PLCH2: variants seen among roughly 807,000 people sequenced by gnomAD.
PLCH2 encodes the protein phospholipase C eta 2.
In PLCH2, 98 loss-of-function variants were observed where a neutral mutation model predicts 134.7. The ratio of observed to expected loss-of-function variants is 0.73; its 90% confidence interval spans 0.62 to 0.86. PLCH2 has a LOEUF of 0.86. Among genes scored for constraint, PLCH2 ranks in the 40% least tolerant of loss-of-function variants. The pLI is 0.00. For missense variants in PLCH2, 1,994 were observed against 1,986.6 expected (o/e 1.00, Z -0.07); for synonymous variants, 974 against 827.5 (o/e 1.18, Z -3.04).
upstream of PLCH2, among the ~76,000 whole-genome samples, chr1:2,471,628 C>T (rs1641327663): frequency 6.6e-6 from 1 of 152,206 alleles, no homozygotes; most frequent in Admixed American, 6.5e-5. Flanking sequence ...ACCAGGGGAG[C>T]ATGAGCCTGG....
At chr1:2,438,933 G>A (rs916168033) in intron 2 of PLCH2, among the ~76,000 whole-genome samples, 27 of 152,230 alleles carry the variant, frequency 1.8e-4, no homozygotes, top group Non-Finnish European at 8.8e-5. Context: ...CTTCGCCGGC[G>A]TGGGCTGCCC....
intron 5 of PLCH2, 85 bp downstream of exon 5, chr1:2,484,703 T>TG: frequency 6.9e-7 from 1 of 1,447,148 alleles, no homozygotes; most frequent in Non-Finnish European, 9.4e-7. Context: ...CAGGGGACAG[T>TG]GGTGATGGGG....
In PLCH2 at chr1:2,499,082, A is replaced by T. The variant is rs762360713; in HGVS notation, c.2435-2A>T. 2.5e-6 allele frequency: 4 copies of T among 1,608,402 alleles called. No individual in the cohort carries two copies. The highest frequency in any genetic ancestry group is 1.7e-6 in the Non-Finnish European group (2 of 1,178,030). ...ACACTCCTCCTGGCGCTGCTTCCCC[A>T]GGGTTCAACCCCACCTGGGAGGAGA... On this transcript the variant is annotated splice_acceptor_variant, in intron 18 of 21. Transcript: ENST00000378486. LOFTEE classifies it high-confidence loss of function.
intron 2 of PLCH2, among the ~76,000 whole-genome samples, chr1:2,446,894 C>T (rs758579869): frequency 6.6e-6 from 1 of 152,222 alleles, no homozygotes; most frequent in Non-Finnish European, 1.5e-5. Context: ...CCTGCAGCCC[C>T]GTGTGTGTGT....
At chr1:2,432,071 C>T (rs1189153519) in intron 2 of PLCH2, among the ~76,000 whole-genome samples, 2 of 152,292 alleles carry the variant, frequency 1.3e-5, no homozygotes, top group East Asian at 3.9e-4. Context: ...TTGTATGGAG[C>T]CTCGTGCATT....
chr1:2,445,915 G>A (rs914489923), intron 2 of PLCH2, among the ~76,000 whole-genome samples: 1 of 152,230 alleles, frequency 6.6e-6, no homozygotes. Context: ...TAATAGGACC[G>A]CTTCATTAGC....
intron 2 of PLCH2, among the ~76,000 whole-genome samples, chr1:2,459,151 C>T (rs1218464697): frequency 2.0e-5 from 3 of 152,268 alleles, no homozygotes; most frequent in Non-Finnish European, 1.5e-5. Context: ...TTTTGCCATC[C>T]GCCAGGAGCT....
intron 5 of PLCH2, among the ~76,000 whole-genome samples, chr1:2,485,818 C>T (rs1260618870): frequency 1.3e-5 from 2 of 152,112 alleles, no homozygotes; most frequent in African/African-American, 4.8e-5. Context: ...GGGTTTTACC[C>T]AGGATCTCCC....
intron 15 of PLCH2, 103 bp downstream of exon 15, chr1:2,497,113 G>C (rs1558027590): frequency 8.5e-7 from 1 of 1,175,580 alleles, no homozygotes; most frequent in Non-Finnish European, 1.2e-6. Flanking sequence ...CCTCGGTTCT[G>C]TCCTGGGCTC....
chr1:2,422,265 C>T (rs9424314), upstream of PLCH2, among the ~76,000 whole-genome samples: 36,899 of 140,766 alleles, frequency 0.26, 5,004 homozygotes, highest in Middle Eastern at 0.36. Context: ...CAAGACTCCA[C>T]CTCAAAAAAC....
At chr1:2,420,570 G>T in the PLCH2 span, among the ~76,000 whole-genome samples, 1,109 of 152,318 alleles carry the variant, frequency 7.3e-3, 8 homozygotes, top group African/African-American at 0.025. Context: ...GCCAGGTCCA[G>T]CTTCTCAGGA....
chr1:2,463,214 G>A (rs1640906300), upstream of PLCH2, among the ~76,000 whole-genome samples: 1 of 152,172 alleles, frequency 6.6e-6, no homozygotes, highest in Non-Finnish European at 1.5e-5. Context: ...AGCCCCGGAG[G>A]GGGAGCTGCA....
chr1:2,498,574 A>G lies in PLCH2; in HGVS notation c.2276A>G (p.Gln759Arg). Residue 759 changes from glutamine (Q) to arginine (R), a missense_variant, in exon 17 of 22, where the codon CAG becomes CGG. Transcript: ENST00000378486. This position sits in a 1 kb window ranked among gnomAD's most constrained non-coding sequence, Gnocchi z 5.4. ...EDPLPGQLKK[Q>R]LVLRIISGQQ... ...CCCCTGCCCGGGCAGCTCAAGAAGC[A>G]GCTGGTGCTCCGGATCATCAGTGGC... 6.2e-7 allele frequency: 1 copy of G among 1,604,756 alleles called. No individual in the cohort carries two copies. Among genetic ancestry groups the G allele is most frequent in the Non-Finnish European group, 8.5e-7 (1 of 1,177,602 alleles).
At chr1:2,497,303 G>A (rs1388411527) in intron 15 of PLCH2, among the ~76,000 whole-genome samples, 199 bp from the exon 16 acceptor site, 1 of 152,240 alleles carries the variant, frequency 6.6e-6, no homozygotes, top group African/African-American at 2.4e-5. Flanking sequence ...GCCAGCTCCG[G>A]GGATGTCCCT....
At position 2,496,901 on chromosome 1, in the gene PLCH2, G is replaced by A; in HGVS notation, c.2007G>A (p.Gln669=). 6.2e-7 allele frequency: 1 copy of A among 1,613,100 alleles called. No individual in the cohort carries two copies. The highest frequency in any genetic ancestry group is 8.5e-7 in the Non-Finnish European group (1 of 1,179,846). The change falls in exon 15 of 22, where the codon CAG becomes CAA. Residue 669 remains glutamine, a synonymous_variant. Transcript: ENST00000378486. The part of the protein sequence containing the change: ...AHQILQQKPA[Q]YLRFNQQQLS... ...AGATTCTGCAGCAGAAGCCGGCGCA[G>A]TACCTACGCTTCAACCAGCAGCAGC...
chr1:2,504,820 A>G lies in PLCH2; in HGVS notation c.3858A>G (p.Thr1286=). Residue 1286 remains threonine, a synonymous_variant, in exon 22 of 22, where the codon ACA becomes ACG. Coordinates refer to ENST00000378486, the MANE Select transcript of PLCH2 (RefSeq NM_014638.4). ...ACAGCCTGGGCCTCCCGGGAGGGAC[A>G]CGGCGGGTGTCGGGGCCAGGGGTGA... ...LSHSLGLPGG[T]RRVSGPGVRR... 6.2e-7 allele frequency: 1 copy of G among 1,610,234 alleles called. No individual in the cohort carries two copies. The highest frequency in any genetic ancestry group is 1.1e-5 in the South Asian group (1 of 90,914).
In PLCH2 at chr1:2,432,825, C is replaced by T. The variant is rs1432126451; in HGVS notation, c.115+2196C>T. 2.0e-5 allele frequency among the ~76,000 whole-genome samples: 3 copies of T among 152,324 alleles called. No individual in the cohort carries two copies. In the East Asian group the frequency reaches 5.8e-4, roughly 29 times the overall value. On this transcript the variant is annotated intron_variant, in intron 2 of 3. Coordinates refer to the PLCH2 transcript ENST00000609981. ...AGGGAGGGTCCCCAACTCCCCCGTC[C>T]GGAGGGGCTGTCACAGGAGCTGCCC...
chr1:2,441,326 C>T (rs926885238), intron 2 of PLCH2, among the ~76,000 whole-genome samples: 15 of 152,220 alleles, frequency 9.9e-5, no homozygotes, highest in African/African-American at 3.1e-4. Context: ...AAGCAGGCGT[C>T]GCATCCGGCC....
intron 8 of PLCH2, among the ~76,000 whole-genome samples, chr1:2,488,185 G>A (rs1165698724): frequency 6.6e-6 from 1 of 152,226 alleles, no homozygotes; most frequent in Admixed American, 6.5e-5. Flanking sequence ...ATTGCATGAA[G>A]GAAGAGAGAA....
Sources: allele counts gnomAD v4.1 joint callset (sites outside exome capture counted in the v4.1 genomes callset), GRCh38; gene constraint gnomAD v4.1.1; non-coding constraint Gnocchi (gnomAD v3.1); transcripts MANE v1.5; gene names NCBI Gene and HGNC (gene_info 2026-07-23, HGNC 2026-07-21).